KDM4C: variants seen among roughly 807,000 people sequenced by gnomAD.
KDM4C encodes the protein lysine demethylase 4C.
Under a neutral mutation model 129.3 loss-of-function variants are expected in KDM4C, and 81 were observed. The observed-to-expected ratio is 0.63, with a 90% CI of 0.52 to 0.75. The LOEUF (loss-of-function observed/expected upper bound fraction) is 0.75, where lower values mean the gene tolerates loss of function less well. Ranked by LOEUF, KDM4C falls within the 30% of genes least tolerant of loss-of-function variation. KDM4C has a pLI of 0.00. For missense variants in KDM4C, 1,457 were observed against 1,304.0 expected (o/e 1.12, Z -1.81); for synonymous variants, 573 against 456.1 (o/e 1.26, Z -3.26).
In KDM4C at chr9:6,801,598, A is replaced by G. The variant is rs572271833; in HGVS notation, c.145-4001A>G. Among the ~76,000 whole-genome samples, 9 of 151,496 alleles carry G rather than the reference A, an allele frequency of 5.9e-5. No individual in the cohort carries two copies. In the East Asian group the frequency reaches 1.8e-3, roughly 29 times the overall value. On this transcript the variant is annotated intron_variant, in intron 2 of 21. Transcript: ENST00000381309. ...AGTTACAGGATAAGAGAATATATTT[A>G]CATGCTCTTGTGCAGATATGCTCTC...
chr9:6,813,123 C>T (rs887952494), intron 3 of KDM4C, among the ~76,000 whole-genome samples: 4 of 151,950 alleles, frequency 2.6e-5, no homozygotes, highest in East Asian at 1.9e-4. Context: ...TTCAGTGAGC[C>T]GAGATCGTGC....
chr9:6,772,678 T>A (rs1184687944), intron 1 of KDM4C, among the ~76,000 whole-genome samples: 1 of 149,250 alleles, frequency 6.7e-6, no homozygotes, highest in Non-Finnish European at 1.5e-5. Flanking sequence ...TTTTCTTTGA[T>A]TTTTTTTCTT....
chr9:6,925,384 T>C, intron 8 of KDM4C: 2 of 985,248 alleles, frequency 2.0e-6, no homozygotes, highest in Non-Finnish European at 2.4e-6. Context: ...CTTTGTAAAT[T>C]AAAAGCTTTT....
chr9:7,171,211 C>T (rs940444657), intron 21 of KDM4C, among the ~76,000 whole-genome samples: 4 of 151,824 alleles, frequency 2.6e-5, no homozygotes, highest in African/African-American at 9.7e-5. Flanking sequence ...GCTGCCCACT[C>T]GATGGGAAAT....
intron 19 of KDM4C, among the ~76,000 whole-genome samples, chr9:7,160,310 C>T (rs969187529): frequency 2.6e-5 from 4 of 152,026 alleles, no homozygotes; most frequent in Admixed American, 6.6e-5. Flanking sequence ...TTGTTATTAC[C>T]GACCTTCTGA....
intron 15 of KDM4C, among the ~76,000 whole-genome samples, chr9:7,031,904 G>C (rs1276652170): frequency 6.6e-6 from 1 of 152,096 alleles, no homozygotes; most frequent in Non-Finnish European, 1.5e-5. Context: ...CACTCCCCTA[G>C]TACTGCTAAA....
intron 1 of KDM4C, chr9:6,726,503 G>A (rs1191858472): frequency 6.6e-6 from 1 of 152,182 alleles, no homozygotes; most frequent in Non-Finnish European, 1.5e-5. Flanking sequence ...CTTTTACCAG[G>A]GAATGAATGC....
In KDM4C at chr9:6,758,616, G is replaced by T. The variant is rs1474382410; in HGVS notation, c.-18+413G>T. On this transcript the variant is annotated intron_variant, in intron 1 of 21. Transcript: ENST00000381309. The surrounding 1 kb of genome is among the most constrained non-coding windows in gnomAD (Gnocchi z 4.6). ...CCCCTCGGGGCCCTCCCTTCCCTGG[G>T]AGTGTCACGACCCGCGGGGTGAGGG... is the stretch of plus-strand genomic sequence containing the variant. 6.6e-6 allele frequency among the ~76,000 whole-genome samples: 1 copy of T among 152,216 alleles called. No homozygotes were observed. The highest frequency in any genetic ancestry group is 1.5e-5 in the Non-Finnish European group (1 of 68,022).
intron 6 of KDM4C, among the ~76,000 whole-genome samples, chr9:6,880,611 G>T (rs530650336): frequency 2.2e-4 from 33 of 152,146 alleles, no homozygotes; most frequent in African/African-American, 7.5e-4. Context: ...TGAGATTTTG[G>T]GCCTTCTTGG....
chr9:7,016,875 A>G (rs999903348), intron 15 of KDM4C, among the ~76,000 whole-genome samples: 1 of 152,136 alleles, frequency 6.6e-6, no homozygotes, highest in Non-Finnish European at 1.5e-5. Context: ...TAAGTATTTC[A>G]AGTAACAGTC....
At chr9:6,930,845 C>T (rs59636651) in intron 8 of KDM4C, among the ~76,000 whole-genome samples, 38,355 of 151,638 alleles carry the variant, frequency 0.25, 5,353 homozygotes, top group South Asian at 0.39. Flanking sequence ...CTATTAGTTC[C>T]TTTCAATTTA....
At chr9:7,110,815 C>T (rs1838237595) in intron 18 of KDM4C, among the ~76,000 whole-genome samples, 1 of 152,206 alleles carries the variant, frequency 6.6e-6, no homozygotes, top group Non-Finnish European at 1.5e-5. Flanking sequence ...AAGGAAAATA[C>T]AGCCACTTTT....
chr9:7,116,753 A>G (rs1474507124), intron 18 of KDM4C, among the ~76,000 whole-genome samples: 2 of 152,110 alleles, frequency 1.3e-5, no homozygotes, highest in Admixed American at 1.3e-4. Context: ...CTTTCACCGT[A>G]CCTTTAGTTG....
intron 8 of KDM4C, among the ~76,000 whole-genome samples, chr9:6,904,174 G>A (rs1478796823): frequency 6.6e-6 from 1 of 152,078 alleles, no homozygotes. Flanking sequence ...GGGAGGCAGA[G>A]GTTGTGGTGA....
At chr9:6,929,546 T>G (rs1823277533) in intron 8 of KDM4C, among the ~76,000 whole-genome samples, 1 of 147,976 alleles carries the variant, frequency 6.8e-6, no homozygotes, top group African/African-American at 2.5e-5. Context: ...AAGGTAGAAA[T>G]TGTGGTGCAG....
chr9:6,882,399 TA>T (rs1844592334), intron 6 of KDM4C, among the ~76,000 whole-genome samples: 1 of 152,202 alleles, frequency 6.6e-6, no homozygotes. Context: ...ATATTGCTGT[TA>T]TATTAAGTTA....
intron 8 of KDM4C, among the ~76,000 whole-genome samples, chr9:6,927,452 A>G (rs537209330): frequency 1.3e-5 from 2 of 152,284 alleles, no homozygotes; most frequent in South Asian, 2.1e-4. Flanking sequence ...CATTTATTCC[A>G]TATAGTAACT....
intron 2 of KDM4C, among the ~76,000 whole-genome samples, chr9:6,798,225 A>C (rs1828115077): frequency 6.7e-6 from 1 of 150,364 alleles, no homozygotes; most frequent in African/African-American, 2.4e-5. Flanking sequence ...AAAATATTTT[A>C]TAGGCAAGCA....
Position 7,165,154 on chromosome 9 carries a change from T to C in KDM4C, c.2782-84T>C, listed in dbSNP as rs1844243352. 3.3e-6 allele frequency: 5 copies of C among 1,512,726 alleles called. No homozygotes were observed. The South Asian group carries it at 6.2e-5, about 19-fold the overall frequency. 93.7% of individuals were successfully genotyped at this position (1,512,726 alleles called of 1,614,324 possible). The stretch of plus-strand genomic sequence containing the variant: ...CACAGAGGCAATAACTCCTTTTAAT[T>C]GCCAGGAGTTCATCATTTGCTAAGT... On this transcript the variant is annotated intron_variant, in intron 19 of 21. Coordinates refer to ENST00000381309, the MANE Select transcript of KDM4C (RefSeq NM_015061.6).
Sources: allele counts gnomAD v4.1 joint callset (sites outside exome capture counted in the v4.1 genomes callset), GRCh38; gene constraint gnomAD v4.1.1; non-coding constraint Gnocchi (gnomAD v3.1); transcripts MANE v1.5; gene names NCBI Gene and HGNC (gene_info 2026-07-23, HGNC 2026-07-21).